AGGF1: variants seen among roughly 807,000 people sequenced by gnomAD.
The protein encoded by AGGF1 is angiogenic factor with G patch and FHA domains 1.
AGGF1 carries 56 observed loss-of-function variants against 86.5 expected under a neutral mutation model. The ratio of observed to expected loss-of-function variants is 0.65; its 90% CI spans 0.52 to 0.81. AGGF1 has a LOEUF of 0.81. Among genes scored for constraint, AGGF1 ranks in the 30% least tolerant of loss-of-function variants. The pLI, the probability that AGGF1 is intolerant of heterozygous loss-of-function variation, is 0.00. For missense variants in AGGF1, 816 were observed against 850.9 expected (o/e 0.96, Z 0.51); for synonymous variants, 313 against 297.1 (o/e 1.05, Z -0.55).
chr5:77,047,796 G>C (rs1747298380), intron 6 of AGGF1, among the ~76,000 whole-genome samples: 1 of 150,062 alleles, frequency 6.7e-6, no homozygotes, highest in Non-Finnish European at 1.5e-5. Context: ...GGGATTATAG[G>C]TGTGGACCAC....
In AGGF1 at chr5:77,041,800, TATTTA is replaced by T. The variant is rs1561285649; in HGVS notation, c.870+2082_870+2086del. Among the ~76,000 whole-genome samples the T allele has an allele frequency of 4.0e-4, 42 of 103,942 alleles. 2 individuals are homozygous for T. The highest frequency in any genetic ancestry group is 1.1e-3 in the African/African-American group (38 of 34,098). 68.2% of individuals were successfully genotyped at this position (103,942 alleles called of 152,430 possible). On this transcript the variant is annotated intron_variant, in intron 5 of 13. Transcript: ENST00000312916. ...CAAGAACTTTTTTTATTTATTTATT[TATTTA>T]TTTATTTATTTTTAATTTATTTTTT...
intron 8 of AGGF1, among the ~76,000 whole-genome samples, chr5:77,050,825 C>T (rs1580133012): frequency 6.6e-6 from 1 of 152,056 alleles, no homozygotes; most frequent in Admixed American, 6.5e-5. Context: ...TTTCAAACTC[C>T]ACTGTGACAC....
intron 11 of AGGF1, among the ~76,000 whole-genome samples, chr5:77,058,007 T>C (rs1280725073): frequency 1.3e-5 from 2 of 152,154 alleles, no homozygotes; most frequent in African/African-American, 2.4e-5. Context: ...AGAAGGAAGA[T>C]GAGTGATTGC....
intron 1 of AGGF1, among the ~76,000 whole-genome samples, chr5:77,033,743 C>T (rs1157246816): frequency 6.6e-6 from 1 of 152,206 alleles, no homozygotes; most frequent in Non-Finnish European, 1.5e-5. Flanking sequence ...CATTGTCTCA[C>T]ATTGAGGTCC....
intron 11 of AGGF1, among the ~76,000 whole-genome samples, chr5:77,056,366 T>C (rs1433747781): frequency 1.3e-5 from 2 of 151,666 alleles, no homozygotes; most frequent in Non-Finnish European, 2.9e-5. Context: ...GCAGCTGTGA[T>C]TGCAGGGGCC....
At chr5:77,039,772 A>G (rs1399323031) in intron 5 of AGGF1, 53 bp downstream of exon 5, 48 of 1,505,052 alleles carry the variant, frequency 3.2e-5, no homozygotes, top group Non-Finnish European at 3.7e-5. Context: ...CATGATAATT[A>G]AGACAAAATT....
In AGGF1 at chr5:77,035,660, G is replaced by A. The variant is rs188545684; in HGVS notation, c.433G>A (p.Val145Ile). 1.4e-5 allele frequency: 23 copies of A among 1,613,542 alleles called. No individual in the cohort carries two copies. Among genetic ancestry groups the A allele is most frequent in the African/African-American group, 1.3e-4 (10 of 75,012 alleles). The change falls in exon 3 of 14, where the codon GTA (valine) becomes ATA (isoleucine). Residue 145 changes from valine to isoleucine, a missense_variant. By Grantham distance (29) the Val-to-Ile change is conservative. Around this residue, in one of 3 missense-constraint regions of AGGF1, gnomAD observed 240 missense variants for 234.4 expected, o/e 1.02. Coordinates refer to ENST00000312916, the MANE Select transcript of AGGF1 (RefSeq NM_018046.5). ...TTTGAATTCTAAAGACCATTTACAA[G>A]TAGAAAATGATGCTTACCCTGGTAC... Reference protein sequence around the residue: ...SILNSKDHLQVENDAYPGTDR... With the variant: ...SILNSKDHLQIENDAYPGTDR...
intron 4 of AGGF1, 82 bp from the exon 5 acceptor site, chr5:77,039,449 C>A: frequency 2.0e-6 from 2 of 1,014,200 alleles, no homozygotes; most frequent in Non-Finnish European, 1.5e-6. Flanking sequence ...AAATATTTAC[C>A]ACATTTGAAT....
At chr5:77,048,867 A>G in intron 7 of AGGF1, 69 bp from the exon 8 acceptor site, 1 of 1,450,342 alleles carries the variant, frequency 6.9e-7, no homozygotes, top group East Asian at 2.3e-5. Flanking sequence ...TGTTTTTTAA[A>G]ATTCTTTCCA....
rs144223703 is a variant in AGGF1, at chr5:77,039,552, C to T, written c.703C>T (p.Pro235Ser). The T allele has an allele frequency of 6.2e-7, 1 of 1,608,646 alleles. No individual in the cohort carries two copies. The highest frequency in any genetic ancestry group is 1.3e-5 in the African/African-American group (1 of 74,918). Residue 235 changes from proline to serine, a missense_variant, in exon 5 of 14, where the codon CCT (proline) becomes TCT (serine). By Grantham distance (74) the Pro-to-Ser change is moderately conservative. Transcript: ENST00000312916. ...YDSENQLYYD[P>S]STGIYYYCDV... ...AAAGGAAAATCAACTCTATTATGAT[C>T]CTTCCACTGGAATTTATTACTATTG...
intron 4 of AGGF1, among the ~76,000 whole-genome samples, chr5:77,038,092 A>T (rs1195038451): frequency 6.6e-6 from 1 of 152,206 alleles, no homozygotes; most frequent in Non-Finnish European, 1.5e-5. Flanking sequence ...TTATCTAGAG[A>T]ACATAAGATA....
At chr5:77,040,837 C>G (rs993569963) in intron 5 of AGGF1, among the ~76,000 whole-genome samples, 2 of 152,104 alleles carry the variant, frequency 1.3e-5, no homozygotes, top group Non-Finnish European at 2.9e-5. Flanking sequence ...TCTTGTCCTT[C>G]TGTCCTGTCC....
intron 1 of AGGF1, among the ~76,000 whole-genome samples, chr5:77,032,502 T>C (rs1276810342): frequency 7.1e-6 from 1 of 140,882 alleles, no homozygotes; most frequent in Non-Finnish European, 1.5e-5. Context: ...AGGCGGAGCT[T>C]GCAGTGAGCC....
intron 9 of AGGF1, 69 bp downstream of exon 9, chr5:77,052,876 G>A: frequency 4.0e-6 from 5 of 1,262,830 alleles, no homozygotes; most frequent in Non-Finnish European, 5.7e-6. Context: ...ATTTCTGAAG[G>A]GCATAATCTT....
In AGGF1 at chr5:77,046,564, A is replaced by C. The variant is rs1471019750; in HGVS notation, c.1088A>C (p.Glu363Ala). Reference sequence around the variant, plus strand: ...TCATTTAAAGATGAGAAAATCATGGAGACTGATAGTGAACCAGAGGAAGGT... The same window carrying C: ...TCATTTAAAGATGAGAAAATCATGGCGACTGATAGTGAACCAGAGGAAGGT... ...STSFKDEKIM[E>A]TDSEPEEGEI... Residue 363 changes from glutamate to alanine, a missense_variant, in exon 6 of 14, where the codon GAG becomes GCG. Physicochemically the swap from Glu to Ala is moderately radical, Grantham distance 107 (BLOSUM62 -1). This residue lies in a region of AGGF1 where 565 missense variants were observed against 585.8 expected (regional missense o/e 0.96). Coordinates refer to ENST00000312916, the MANE Select transcript of AGGF1 (RefSeq NM_018046.5). 4 of 1,613,682 alleles carry C rather than the reference A, an allele frequency of 2.5e-6. No homozygotes were observed. The highest frequency in any genetic ancestry group is 1.7e-5 in the Admixed American group (1 of 59,956).
intron 11 of AGGF1, among the ~76,000 whole-genome samples, chr5:77,058,993 A>G (rs947833809): frequency 1.3e-5 from 2 of 152,226 alleles, no homozygotes; most frequent in Non-Finnish European, 2.9e-5. Flanking sequence ...TTGAAGCAAA[A>G]AACTATTGTT....
chr5:77,043,126 G>A (rs1747154948), intron 5 of AGGF1, among the ~76,000 whole-genome samples: 10 of 51,780 alleles, frequency 1.9e-4, no homozygotes, highest in Non-Finnish European at 2.0e-4. Context: ...GGCTGGCCGG[G>A]CGGAGGGCTG....
chr5:77,054,740 C>T (rs1747431545), intron 10 of AGGF1, among the ~76,000 whole-genome samples: 1 of 151,930 alleles, frequency 6.6e-6, no homozygotes, highest in African/African-American at 2.4e-5. Flanking sequence ...GTAATTATGA[C>T]TTAAGTAATA....
chr5:77,052,497 G>T (rs1253029935), intron 8 of AGGF1, among the ~76,000 whole-genome samples: 1 of 152,034 alleles, frequency 6.6e-6, no homozygotes, highest in Non-Finnish European at 1.5e-5. Flanking sequence ...ATTTTTCATG[G>T]TAATTAAAGG....
Sources: gnomAD v4.1 joint callset for allele counts (sites outside exome capture counted in the v4.1 genomes callset) on GRCh38, gnomAD v4.1.1 for gene constraint, gnomAD v4.1.1 regional missense constraint, MANE v1.5 for transcripts, NCBI Gene and HGNC (gene_info 2026-07-23, HGNC 2026-07-21) for gene names.